The following ARHGEF10 variants were observed in gnomAD, a reference collection of about 807,000 sequenced individuals.
ARHGEF10 encodes Rho guanine nucleotide exchange factor 10.
A neutral mutation model predicts 147.4 loss-of-function variants in ARHGEF10; 140 were observed. The observed-to-expected ratio is 0.95, with a 90% CI of 0.83 to 1.09. The LOEUF (loss-of-function observed/expected upper bound fraction) is 1.09, where lower values mean the gene tolerates loss of function less well. ARHGEF10 is among the 50% of genes least tolerant of loss of function. The pLI is 0.00. For missense variants in ARHGEF10, 2,222 were observed against 1,752.7 expected (o/e 1.27, Z -4.78); for synonymous variants, 902 against 695.8 (o/e 1.30, Z -4.67).
intron 1 of ARHGEF10, among the ~76,000 whole-genome samples, chr8:1,833,040 A>G (rs62648752): frequency 9.5e-5 from 7 of 73,806 alleles, no homozygotes; most frequent in Non-Finnish European, 1.5e-4. Flanking sequence ...GCAGAGAGAG[A>G]CAGAGACAGA....
At chr8:1,901,974 G>C (rs1327091998) in intron 15 of ARHGEF10, among the ~76,000 whole-genome samples, 6 of 121,724 alleles carry the variant, frequency 4.9e-5, no homozygotes, top group Non-Finnish European at 1.0e-4. Flanking sequence ...TGGTAGGCAA[G>C]ACGCAGAACC....
Position 1,909,321 on chromosome 8 carries a change from G to A in ARHGEF10, c.1994G>A (p.Ser665Asn). The change falls in exon 18 of 29, where the codon AGC (serine) becomes AAC (asparagine). Residue 665 changes from serine (S) to asparagine (N), a missense_variant. Ser to Asn is a conservative substitution (Grantham distance 46). Coordinates refer to ENST00000349830, the MANE Select transcript of ARHGEF10 (RefSeq NM_014629.4). ...CCCTCTCATGACAGCCGTGTGATGAGCAGCCAGAGGTACTTGCTGAAGTGG... is the reference window on the plus strand; with the variant it reads ...CCCTCTCATGACAGCCGTGTGATGAACAGCCAGAGGTACTTGCTGAAGTGG... ...SRPSHDSRVM[S>N]SQRYLLKWSV... is the part of the protein sequence containing the mutation. 6.2e-7 allele frequency: 1 copy of A among 1,614,220 alleles called. No homozygotes were observed. The highest frequency in any genetic ancestry group is 8.5e-7 in the Non-Finnish European group (1 of 1,180,044).
At position 1,880,166 on chromosome 8, in the gene ARHGEF10, T is replaced by G; in HGVS notation, c.960+2T>G. On this transcript the variant is annotated splice_donor_variant, in intron 9 of 28. Transcript: ENST00000349830. LOFTEE classifies it high-confidence loss of function. ...CTCAGGCAGAAGCATGAACTGAAGG[T>G]AGAGTCTTGCCCCCGGCCGCTGCCC... 1.2e-6 allele frequency: 2 copies of G among 1,608,634 alleles called. No homozygotes were observed. Among genetic ancestry groups the G allele is most frequent in the Non-Finnish European group, 1.7e-6 (2 of 1,175,248 alleles).
At chr8:1,955,336 A>ACACT (rs1815444117) in intron 28 of ARHGEF10, among the ~76,000 whole-genome samples, 33 of 146,560 alleles carry the variant, frequency 2.3e-4, no homozygotes, top group African/African-American at 7.4e-4. Flanking sequence ...AAGGAGGTGC[A>ACACT]CTCACTGTGT....
In ARHGEF10 at chr8:1,860,028, G is replaced by A. The variant is rs752653850; in HGVS notation, c.325G>A (p.Val109Met). 8.1e-6 allele frequency: 13 copies of A among 1,613,902 alleles called. No homozygotes were observed. Among genetic ancestry groups the A allele is most frequent in the Middle Eastern group, 1.7e-4 (1 of 6,054 alleles). Residue 109 changes from valine (V) to methionine (M), a missense_variant, in exon 4 of 29, where the codon GTG becomes ATG. Coordinates refer to ENST00000349830, the MANE Select transcript of ARHGEF10 (RefSeq NM_014629.4). ...CCAGGAGGACCAGCCGCCCACCCCC[G>A]TGCCCAGCGCTGAGGAGGAGAATGT... is the stretch of plus-strand genomic sequence containing the variant. ...PFQEDQPPTP[V>M]PSAEEENVGL...
chr8:1,950,877 G>A (rs1423624349), intron 27 of ARHGEF10, among the ~76,000 whole-genome samples: 1 of 151,992 alleles, frequency 6.6e-6, no homozygotes, highest in Admixed American at 6.6e-5. Context: ...ACTGCGCCCG[G>A]CCTACCCTTT....
At chr8:1,919,738 G>A (rs1009004331) in intron 18 of ARHGEF10, among the ~76,000 whole-genome samples, 1 of 149,946 alleles carries the variant, frequency 6.7e-6, no homozygotes, top group Non-Finnish European at 1.5e-5. Flanking sequence ...GCTGTTCTGT[G>A]GGTGATAAAC....
At chr8:1,903,747 C>G (rs990456813) in intron 16 of ARHGEF10, 2 of 462,802 alleles carry the variant, frequency 4.3e-6, no homozygotes, top group African/African-American at 3.9e-5. Context: ...CTTTAGCTTA[C>G]TTTTCCTTTC....
intron 9 of ARHGEF10, among the ~76,000 whole-genome samples, chr8:1,880,470 T>G (rs1052904516): frequency 6.6e-6 from 1 of 152,246 alleles, no homozygotes; most frequent in Non-Finnish European, 1.5e-5. Context: ...CACTTTCTGT[T>G]TGTTTTGGAA....
chr8:1,892,696 G>A (rs1585427129), intron 11 of ARHGEF10, among the ~76,000 whole-genome samples: 1 of 76 alleles, frequency 0.013, no homozygotes, highest in East Asian at 0.5. Flanking sequence ...GCACATATAT[G>A]GGGTGGGTGT....
chr8:1,833,241 A>C, intron 1 of ARHGEF10, among the ~76,000 whole-genome samples: 1 of 124,684 alleles, frequency 8.0e-6, no homozygotes, highest in East Asian at 2.9e-4. Flanking sequence ...GAGGGAGACA[A>C]AGACAGAGGC....
chr8:1,826,200 A>C, intron 1 of ARHGEF10: 4 of 1,424,850 alleles, frequency 2.8e-6, no homozygotes, highest in Non-Finnish European at 3.9e-6. Flanking sequence ...TTGGGGGTGA[A>C]GTGAAGTTAA....
At chr8:1,898,666 A>C (rs1810216283) in intron 15 of ARHGEF10, 141 bp downstream of exon 15, 1 of 904,656 alleles carries the variant, frequency 1.1e-6, no homozygotes, top group East Asian at 2.6e-5. Context: ...CAGGAGGTGG[A>C]GGGTAGAGGC....
intron 18 of ARHGEF10, among the ~76,000 whole-genome samples, chr8:1,920,409 A>G (rs1812193631): frequency 6.6e-6 from 1 of 150,706 alleles, no homozygotes. Flanking sequence ...TGCAGCCTTG[A>G]CTTCCTTGGC....
intron 8 of ARHGEF10, among the ~76,000 whole-genome samples, chr8:1,877,603 G>A (rs1362542916): frequency 1.3e-5 from 2 of 151,284 alleles, no homozygotes; most frequent in South Asian, 2.1e-4. Flanking sequence ...TGTGAGGTGG[G>A]ATGTCAGAGC....
chr8:1,898,592 C>A (rs755542), intron 15 of ARHGEF10, 67 bp downstream of exon 15: 1 of 1,485,058 alleles, frequency 6.7e-7, no homozygotes, highest in Non-Finnish European at 9.4e-7. Context: ...TTGAAAATGG[C>A]GTCTGTTCCT....
At chr8:1,827,553 G>C (rs1010637338) in intron 1 of ARHGEF10, among the ~76,000 whole-genome samples, 2 of 152,188 alleles carry the variant, frequency 1.3e-5, no homozygotes, top group African/African-American at 4.8e-5. Flanking sequence ...TGATCCACCT[G>C]CCTCAGCCTC....
intron 7 of ARHGEF10, chr8:1,869,580 T>C (rs1175413512): frequency 6.6e-6 from 3 of 452,438 alleles, no homozygotes; most frequent in Non-Finnish European, 1.2e-5. Flanking sequence ...AGTGAGAAAG[T>C]AGAGAGAATC....
At chr8:1,841,749 C>T (rs565194845) in intron 1 of ARHGEF10, among the ~76,000 whole-genome samples, 1 of 151,956 alleles carries the variant, frequency 6.6e-6, no homozygotes, top group African/African-American at 2.4e-5. Flanking sequence ...GTGGGGAGCC[C>T]CAGTGCGTGT....
Sources: allele counts gnomAD v4.1 joint callset (sites outside exome capture counted in the v4.1 genomes callset), GRCh38; gene constraint gnomAD v4.1.1; transcripts MANE v1.5; gene names NCBI Gene and HGNC (gene_info 2026-07-23, HGNC 2026-07-21).